The following TET3 variants were observed in gnomAD, a reference collection of about 807,000 sequenced individuals.
TET3 encodes tet methylcytosine dioxygenase 3.
TET3 carries 19 observed loss-of-function variants against 141.4 expected under a neutral mutation model. That is an observed-to-expected ratio of 0.13 (90% confidence interval 0.09 to 0.20). The LOEUF is 0.20. TET3 is among the 10% of genes least tolerant of loss of function. TET3 has a pLI of 1.00. For missense variants in TET3, 1,874 were observed against 2,356.9 expected, an observed-to-expected ratio of 0.80 and a Z score of 4.24; for synonymous variants, 1,043 against 980.9, an observed-to-expected ratio of 1.06 and a Z score of -1.18.
chr2:74,086,791 TA>T (rs33942081), intron 6 of TET3, among the ~76,000 whole-genome samples: 7,623 of 93,938 alleles, frequency 0.081, 228 homozygotes, highest in Admixed American at 0.12. Flanking sequence ...ACCCTGACTC[TA>T]AAAAAAAAAA....
At chr2:74,035,700 C>A (rs1482316551) in intron 3 of TET3, among the ~76,000 whole-genome samples, 3 of 152,102 alleles carry the variant, frequency 2.0e-5, no homozygotes, top group African/African-American at 7.2e-5. Context: ...GCACTCCAGC[C>A]TGGGCGACAG....
At chr2:74,078,196 T>C (rs1689616714) in intron 5 of TET3, among the ~76,000 whole-genome samples, 1 of 152,134 alleles carries the variant, frequency 6.6e-6, no homozygotes, top group African/African-American at 2.4e-5. Context: ...AAAAATTAAT[T>C]CGTTAATTAA....
chr2:74,120,901 A>G, the TET3 span: 3 of 152,144 alleles, frequency 2.0e-5, no homozygotes, highest in Admixed American at 6.5e-5. Context: ...AGGCAGCATT[A>G]AGTTATCTTC....
At position 74,087,296 on chromosome 2, in the gene TET3, G is replaced by A. The variant is rs1164425910; in HGVS notation, c.2680-534G>A. On this transcript the variant is annotated intron_variant, in intron 6 of 11. Transcript: ENST00000409262. This position sits in a 1 kb window ranked among gnomAD's most constrained non-coding sequence, Gnocchi z 4.3. ...AGTGAACGTGGGTATTCAGGGATCT[G>A]CCTGAGTCCTGCTCTCAGTCCCTCG... Among the ~76,000 whole-genome samples the A allele has an allele frequency of 6.6e-6, 1 of 152,168 alleles. No homozygotes were observed. Among genetic ancestry groups the A allele is most frequent in the Non-Finnish European group, 1.5e-5 (1 of 68,040 alleles).
At chr2:73,995,385 CT>C (rs1684542659) in intron 2 of TET3, among the ~76,000 whole-genome samples, 1 of 152,160 alleles carries the variant, frequency 6.6e-6, no homozygotes, top group African/African-American at 2.4e-5. Context: ...GGGGTAAGGT[CT>C]GTGAACTGTT....
the TET3 span, among the ~76,000 whole-genome samples, chr2:74,127,771 A>G: frequency 6.6e-6 from 1 of 152,032 alleles, no homozygotes; most frequent in Admixed American, 6.6e-5. Context: ...GCACGGGAGA[A>G]GGGGTTGTGT....
chr2:74,085,751 A>G (rs1189145701), intron 6 of TET3, among the ~76,000 whole-genome samples: 6 of 152,218 alleles, frequency 3.9e-5, no homozygotes, highest in Non-Finnish European at 7.3e-5. Flanking sequence ...ATAACAGGCC[A>G]CAGACCCAGT....
chr2:74,083,544 C>A (rs1176311533), intron 6 of TET3, among the ~76,000 whole-genome samples: 1 of 152,110 alleles, frequency 6.6e-6, no homozygotes, highest in East Asian at 1.9e-4. Flanking sequence ...TGTTGAGGAT[C>A]CTGTGGCTGA....
intron 4 of TET3, among the ~76,000 whole-genome samples, chr2:74,055,599 A>G (rs779383381): frequency 5.3e-5 from 8 of 152,224 alleles, no homozygotes; most frequent in Non-Finnish European, 1.0e-4. Flanking sequence ...TTCAGCGTTA[A>G]GTCCACTAAA....
chr2:74,019,209 A>G (rs919347135), intron 3 of TET3, among the ~76,000 whole-genome samples: 4 of 152,210 alleles, frequency 2.6e-5, no homozygotes, highest in African/African-American at 9.7e-5. Flanking sequence ...GTGAGCTATG[A>G]TCTGGCCACT....
intron 3 of TET3, among the ~76,000 whole-genome samples, chr2:74,006,651 G>A (rs1262694702): frequency 6.6e-6 from 1 of 152,202 alleles, no homozygotes; most frequent in Non-Finnish European, 1.5e-5. Context: ...CCCATACCCC[G>A]GAGGCTGCAG....
chr2:73,985,798 G>A (rs1012392686), intron 1 of TET3, among the ~76,000 whole-genome samples, 182 bp from the exon 2 acceptor site: 4 of 151,474 alleles, frequency 2.6e-5, no homozygotes, highest in Admixed American at 1.3e-4. Flanking sequence ...TCAGGCCCGA[G>A]GCCGCCTCCC....
At chr2:74,038,045 C>T (rs1032221455) in intron 3 of TET3, among the ~76,000 whole-genome samples, 53 of 152,256 alleles carry the variant, frequency 3.5e-4, no homozygotes, top group African/African-American at 1.3e-3. Flanking sequence ...CTGTTGAATG[C>T]CTGCAGATGT....
chr2:74,125,069 C>T, the TET3 span, among the ~76,000 whole-genome samples: 1 of 149,574 alleles, frequency 6.7e-6, no homozygotes, highest in Non-Finnish European at 1.5e-5. Context: ...TGCAATGGTG[C>T]AATCTCAGCT....
chr2:74,021,328 A>G (rs1160593298), intron 3 of TET3, among the ~76,000 whole-genome samples: 1 of 152,202 alleles, frequency 6.6e-6, no homozygotes, highest in Non-Finnish European at 1.5e-5. Flanking sequence ...CTCCTTACAG[A>G]GCAGAGCGCA....
At position 74,107,896 on chromosome 2, in the gene TET3, CTGA is replaced by C. The variant is rs1226038563; in HGVS notation, c.*5722_*5724del. On this transcript the variant is annotated 3_prime_UTR_variant, in exon 12 of 12. Transcript: ENST00000409262. Reference sequence around the variant, plus strand: ...ATATTCTTAGTACAGTAAATTTATGCTGATAATTTTATTTTGTATAATTTTTAC... The same window carrying C: ...ATATTCTTAGTACAGTAAATTTATGCTAATTTTATTTTGTATAATTTTTAC... 1 of 152,414 alleles carries C rather than the reference CTGA, an allele frequency of 6.6e-6. No homozygotes were observed. The highest frequency in any genetic ancestry group is 1.5e-5 in the Non-Finnish European group (1 of 68,028). 9.4% of individuals were successfully genotyped at this position (152,414 alleles called of 1,614,324 possible).
the TET3 span, among the ~76,000 whole-genome samples, chr2:74,119,171 A>G: frequency 1.3e-5 from 2 of 152,048 alleles, no homozygotes; most frequent in Non-Finnish European, 2.9e-5. Context: ...TGGCCAACAT[A>G]GTGAAACCCT....
At position 74,103,679 on chromosome 2, in the gene TET3, G is replaced by C. The variant is rs960912260; in HGVS notation, c.*1503G>C. ...TAATTTTTGTGACGTTGTCGAGAGA[G>C]GTTGGGCCTGATGGGAGCAACACTC... On this transcript the variant is annotated 3_prime_UTR_variant, in exon 12 of 12. Coordinates refer to ENST00000409262, the MANE Select transcript of TET3 (RefSeq NM_001287491.2). 1.3e-5 allele frequency: 2 copies of C among 153,244 alleles called. No individual in the cohort carries two copies. The highest frequency in any genetic ancestry group is 2.9e-5 in the Non-Finnish European group (2 of 68,054). The allele number at this position is 153,244 out of a possible 1,614,324, so 9.5% of individuals were successfully genotyped here. A position where few individuals can be genotyped will look rare whatever the true frequency, so the allele number is the denominator to read the frequency against.
chr2:74,022,138 C>CT (rs1254675982), intron 3 of TET3, among the ~76,000 whole-genome samples: 66 of 57,144 alleles, frequency 1.2e-3, no homozygotes, highest in African/African-American at 5.0e-3. Flanking sequence ...TGTTTCTGGT[C>CT]TTTTCCCTCT....
Sources: allele counts gnomAD v4.1 joint callset (sites outside exome capture counted in the v4.1 genomes callset), GRCh38; gene constraint gnomAD v4.1.1; non-coding constraint Gnocchi (gnomAD v3.1); transcripts MANE v1.5; gene names NCBI Gene and HGNC (gene_info 2026-07-23, HGNC 2026-07-21).